Variants in MX2 observed in about 807,000 individuals in gnomAD.
MX2 encodes MX dynamin like GTPase 2.
MX2 carries 51 observed loss-of-function variants against 74.0 expected under a neutral mutation model. The ratio of observed to expected loss-of-function variants is 0.69; its 90% confidence interval spans 0.55 to 0.87. MX2 has a LOEUF of 0.87. Among genes scored for constraint, MX2 ranks in the 40% least tolerant of loss-of-function variants. MX2 has a pLI of 0.00. For missense variants in MX2, 832 were observed against 908.7 expected, an observed-to-expected ratio of 0.92 and a Z score of 1.09; for synonymous variants, 369 against 339.3, an observed-to-expected ratio of 1.09 and a Z score of -0.96.
Position 41,390,633 on chromosome 21 carries a change from C to A in MX2, c.801C>A (p.Asn267Lys), listed in dbSNP as rs376144948. The stretch of plus-strand genomic sequence containing the variant: ...TCAACTTGGTGGTGGTTCCCTGTAA[C>A]GTGGACATTGCCACCACGGAGGCGC... ...QTINLVVVPC[N>K]VDIATTEALS... The change falls in exon 6 of 14, where the codon AAC becomes AAA. Residue 267 changes from asparagine (N) to lysine (K), a missense_variant. Coordinates refer to ENST00000330714, the MANE Select transcript of MX2 (RefSeq NM_002463.2). 5 of 1,614,194 alleles carry A rather than the reference C, an allele frequency of 3.1e-6. No homozygotes were observed. Among genetic ancestry groups the A allele is most frequent in the Non-Finnish European group, 4.2e-6 (5 of 1,180,036 alleles).
chr21:41,383,110 A>G lies in MX2; in HGVS notation c.732+546A>G, dbSNP rs141915388. 3.9e-5 allele frequency among the ~76,000 whole-genome samples: 6 copies of G among 152,234 alleles called. No individual in the cohort carries two copies. In the East Asian group the frequency reaches 1.2e-3, roughly 30 times the overall value. Reference sequence around the variant, plus strand: ...ACGGTGGCGCATGCCTGTAATCCCAACACTTTGGGAGGCCAAGGCAGGAGG... The same window carrying G: ...ACGGTGGCGCATGCCTGTAATCCCAGCACTTTGGGAGGCCAAGGCAGGAGG... On this transcript the variant is annotated intron_variant, in intron 5 of 13. Transcript: ENST00000330714.
chr21:41,376,978 A>T lies in MX2; in HGVS notation c.72A>T (p.Lys24Asn). The change falls in exon 2 of 14, where the codon AAA becomes AAT. Residue 24 changes from lysine to asparagine, a missense_variant. By Grantham distance (94) the Lys-to-Asn change is moderately conservative (BLOSUM62 0). Transcript: ENST00000330714. Reference protein sequence around the residue: ...SQFSSRKYLKKEMNSFQQQPP... With the variant: ...SQFSSRKYLKNEMNSFQQQPP... ...TTTCTTCTCGAAAATACCTGAAAAAAGAAATGAATTCCTTCCAGCAACAGC... is the reference window on the plus strand; with the variant it reads ...TTTCTTCTCGAAAATACCTGAAAAATGAAATGAATTCCTTCCAGCAACAGC... The T allele has an allele frequency of 6.2e-7, 1 of 1,614,166 alleles. No homozygotes were observed. The highest frequency in any genetic ancestry group is 8.5e-7 in the Non-Finnish European group (1 of 1,180,040).
rs148243691 is a variant in MX2 at position 41,363,239 on chromosome 21, AT to A, written c.-72+1193del. On this transcript the variant is annotated intron_variant, in intron 1 of 13. Coordinates refer to ENST00000330714, the MANE Select transcript of MX2 (RefSeq NM_002463.2). This position sits in a 1 kb window ranked among gnomAD's most constrained non-coding sequence, Gnocchi z 4.2. Reference sequence around the variant, plus strand: ...ACTTTTGACTCCCTTCGGATGTACAATTTTTTTTTCTTTTTCTTTTTTGAGA... The same window carrying A: ...ACTTTTGACTCCCTTCGGATGTACAATTTTTTTTCTTTTTCTTTTTTGAGA... 2,977 of 149,172 alleles carry A rather than the reference AT, an allele frequency of 0.02. 95 individuals are homozygous for A. The highest frequency in any genetic ancestry group is 0.07 in the African/African-American group (2,837 of 40,556). The allele number at this position is 149,172 out of a possible 1,614,324, so 9.2% of individuals were successfully genotyped here.
intron 5 of MX2, chr21:41,389,802 TA>T (rs1392677983): frequency 6.6e-6 from 1 of 152,190 alleles, no homozygotes; most frequent in African/African-American, 2.4e-5. Context: ...CAACTATATG[TA>T]AATTGTGCCA....
intron 7 of MX2, 36 bp from the exon 8 acceptor site, chr21:41,397,577 T>C: frequency 6.3e-7 from 1 of 1,587,386 alleles, no homozygotes; most frequent in Non-Finnish European, 8.7e-7. Context: ...GGTACACAAG[T>C]CCTTCCTGAA....
chr21:41,371,107 G>T (rs999471644), intron 1 of MX2, among the ~76,000 whole-genome samples: 17 of 152,196 alleles, frequency 1.1e-4, no homozygotes, highest in African/African-American at 4.1e-4. Flanking sequence ...AGAGAGAATA[G>T]CCATGAGTAT....
In MX2 at chr21:41,363,509, C is replaced by T. The variant is rs1006313496; in HGVS notation, c.-72+1454C>T. 3.9e-5 allele frequency: 6 copies of T among 152,626 alleles called. No individual in the cohort carries two copies. Among genetic ancestry groups the T allele is most frequent in the Admixed American group, 1.3e-4 (2 of 15,282 alleles). 9.5% of individuals were successfully genotyped at this position (152,626 alleles called of 1,614,324 possible). On this transcript the variant is annotated intron_variant, in intron 1 of 13. Transcript: ENST00000330714. This position sits in a 1 kb window ranked among gnomAD's most constrained non-coding sequence, Gnocchi z 4.2. ...CCTGACTCGATATGTATCTCAAGGA[C>T]TTAGTGCTCAATATATATCTTTGAG...
At chr21:41,398,831 T>C in intron 8 of MX2, 66 bp from the exon 9 acceptor site, 1 of 1,579,576 alleles carries the variant, frequency 6.3e-7, no homozygotes, top group Non-Finnish European at 8.6e-7. Context: ...CCTACTCATA[T>C]ACCAAAGAAA....
chr21:41,399,473 G>A (rs1038569778), intron 10 of MX2, 136 bp downstream of exon 10: 3 of 954,626 alleles, frequency 3.1e-6, no homozygotes, highest in Non-Finnish European at 4.7e-6. Context: ...ATCAGCAACT[G>A]TCTCTCAACG....
chr21:41,377,261 C>G, intron 2 of MX2, 106 bp downstream of exon 2: 1 of 1,478,418 alleles, frequency 6.8e-7, no homozygotes, highest in Non-Finnish European at 9.2e-7. Context: ...TCTGCTCCTC[C>G]AGCACAGCTG....
intron 1 of MX2, among the ~76,000 whole-genome samples, 195 bp from the exon 2 acceptor site, chr21:41,376,641 G>C (rs531036031): frequency 2.0e-5 from 3 of 152,160 alleles, no homozygotes; most frequent in African/African-American, 7.2e-5. Flanking sequence ...AGCCCGGGCC[G>C]GTAGAAATCC....
chr21:41,369,021 C>A (rs1330999966), intron 1 of MX2, among the ~76,000 whole-genome samples: 1 of 152,174 alleles, frequency 6.6e-6, no homozygotes, highest in Non-Finnish European at 1.5e-5. Flanking sequence ...AGAAAGTCTC[C>A]GTAGGGCTAG....
At chr21:41,373,991 GCA>G (rs1347930438) in intron 1 of MX2, 24 of 152,454 alleles carry the variant, frequency 1.6e-4, no homozygotes, top group African/African-American at 5.5e-4. Context: ...AGCAGGCGCA[GCA>G]GCCCTGCCCT....
At chr21:41,391,576 T>C (rs762666178) in intron 6 of MX2, among the ~76,000 whole-genome samples, 1 of 151,980 alleles carries the variant, frequency 6.6e-6, no homozygotes, top group African/African-American at 2.4e-5. Flanking sequence ...GAGACGGGGT[T>C]TCACTGTGTT....
rs1282338904 is a variant in MX2, at chr21:41,401,746, A to G, written c.1415-224A>G. On this transcript the variant is annotated intron_variant, in intron 10 of 13. Transcript: ENST00000330714. ...TTCTCTCTTGGGGTGATGACTTTCA[A>G]TTGAAACACATTTTCATAGAATAAG... 1.5e-5 allele frequency: 7 copies of G among 464,182 alleles called. No homozygotes were observed. The East Asian group carries it at 2.5e-4, about 17-fold the overall frequency. The allele number at this position is 464,182 out of a possible 1,614,324, so 28.8% of individuals were successfully genotyped here. A position where few individuals can be genotyped will look rare whatever the true frequency, so the allele number is the denominator to read the frequency against.
At chr21:41,392,386 A>G (rs1174462156) in intron 6 of MX2, among the ~76,000 whole-genome samples, 6 of 152,250 alleles carry the variant, frequency 3.9e-5, no homozygotes, top group Admixed American at 2.6e-4. Flanking sequence ...CTTCAACGAC[A>G]TTATGCTAAG....
At chr21:41,362,847 C>T (rs890054467) in intron 1 of MX2, among the ~76,000 whole-genome samples, 1 of 141,930 alleles carries the variant, frequency 7.0e-6, no homozygotes. Flanking sequence ...CAGTCTCAAG[C>T]TCCCGGGCTC....
At chr21:41,395,813 T>C in intron 7 of MX2, 28 bp downstream of exon 7, 1 of 1,610,684 alleles carries the variant, frequency 6.2e-7, no homozygotes, top group South Asian at 1.1e-5. Flanking sequence ...AGCTCTGGAA[T>C]TAGACTCCAT....
chr21:41,399,049 A>G (rs1370155805), intron 9 of MX2, 30 bp downstream of exon 9: 1 of 1,604,438 alleles, frequency 6.2e-7, no homozygotes, highest in Non-Finnish European at 8.5e-7. Context: ...TCCACGTGAC[A>G]CTGCATCCTT....
Sources: allele counts gnomAD v4.1 joint callset (sites outside exome capture counted in the v4.1 genomes callset), GRCh38; gene constraint gnomAD v4.1.1; non-coding constraint Gnocchi (gnomAD v3.1); transcripts MANE v1.5; gene names NCBI Gene and HGNC (gene_info 2026-07-23, HGNC 2026-07-21).